The following STK26 variants were observed in gnomAD, a reference collection of about 807,000 sequenced individuals.
STK26 encodes serine/threonine-protein kinase 26.
STK26 carries 14 observed loss-of-function variants against 34.7 expected under a neutral mutation model. The ratio of observed to expected loss-of-function variants is 0.40; its 90% CI spans 0.27 to 0.63. The LOEUF (loss-of-function observed/expected upper bound fraction) is 0.63. STK26 is among the 30% of genes least tolerant of loss of function. STK26 has a pLI of 0.38. For synonymous variants in STK26, 100 were observed against 109.8 expected (o/e 0.91, Z 0.56); for missense variants, 226 against 309.1 (o/e 0.73, Z 2.02).
rs112781699 is a variant in STK26, at chrX:132,023,604, C to T, written c.-14C>T. The T allele has an allele frequency of 2.6e-6, 3 of 1,171,555 alleles. No homozygotes were observed. The highest frequency in any genetic ancestry group is 3.8e-5 in the South Asian group (2 of 53,038). On this transcript the variant is annotated 5_prime_UTR_variant, in exon 2 of 12. Transcript: ENST00000394334. ...CCACCGCCGCAGAAGCGGAGCGAGG[C>T]AGCATTCGCCTCCATGGCCCACTCG... is the stretch of plus-strand genomic sequence containing the variant.
At chrX:132,044,274 A>G (rs943785357) in intron 2 of STK26, among the ~76,000 whole-genome samples, 1 of 111,114 alleles carries the variant, frequency 9.0e-6, no homozygotes, top group Non-Finnish European at 1.9e-5. Flanking sequence ...GAGAATGCAA[A>G]CATAGTAAAA....
At chrX:132,051,815 A>C (rs759011749) in intron 2 of STK26, among the ~76,000 whole-genome samples, 163 of 109,175 alleles carry the variant, frequency 1.5e-3, no homozygotes, top group Middle Eastern at 9.4e-3. Flanking sequence ...CTCATTGTTC[A>C]ACTCCCACTT....
intron 3 of STK26, among the ~76,000 whole-genome samples, chrX:132,061,379 C>T (rs750128114): frequency 8.9e-6 from 1 of 111,832 alleles, no homozygotes; most frequent in Non-Finnish European, 1.9e-5. Flanking sequence ...AGGTTCTATA[C>T]ACAAATACAA....
rs143867006 is a variant in STK26 at position 132,049,267 on chromosome X, A to G, written c.43-5364A>G. ...CTCCCAAAGTGCTGGGATTATAGGC[A>G]TGAGCCAACTGCACCTGGCCTAAAT... On this transcript the variant is annotated intron_variant, in intron 2 of 11. Coordinates refer to ENST00000394334, the MANE Select transcript of STK26 (RefSeq NM_016542.4). Among the ~76,000 whole-genome samples, 307 of 112,398 alleles carry G rather than the reference A, an allele frequency of 2.7e-3. 2 individuals carry two copies. The highest frequency in any genetic ancestry group is 9.1e-3 in the African/African-American group (283 of 30,994).
intron 2 of STK26, among the ~76,000 whole-genome samples, chrX:132,047,675 G>A (rs1321092676): frequency 9.0e-6 from 1 of 111,707 alleles, no homozygotes. Flanking sequence ...AGAAATGCCA[G>A]AAAGTCAAGA....
chrX:132,054,670 G>A lies in STK26; in HGVS notation c.82G>A (p.Glu28Lys), dbSNP rs1177202461. ...ADPEELFTKL[E>K]RIGKGSFGEV... ...TCCAGAAGAACTGTTCACAAAATTA[G>A]AGCGCATTGGGAAAGGCTCATTTGG... Residue 28 changes from glutamate (E) to lysine (K), a missense_variant, in exon 3 of 12, where the codon GAG becomes AAG. This residue lies in a region of STK26 where 100 missense variants were observed against 176.7 expected (regional missense o/e 0.57). Transcript: ENST00000394334. 8.3e-7 allele frequency: 1 copy of A among 1,211,419 alleles called. No individual in the cohort carries two copies. Among genetic ancestry groups the A allele is most frequent in the Non-Finnish European group, 1.1e-6 (1 of 895,320 alleles).
At chrX:132,034,584 G>A (rs1433205509) in intron 2 of STK26, among the ~76,000 whole-genome samples, 1 of 111,378 alleles carries the variant, frequency 9.0e-6, no homozygotes, top group East Asian at 2.8e-4. Context: ...GTGAGCCACC[G>A]CGCCCGGCCA....
intron 11 of STK26, 22 bp from the exon 12 acceptor site, chrX:132,074,113 A>C: frequency 8.4e-7 from 1 of 1,192,008 alleles, no homozygotes; most frequent in Non-Finnish European, 1.1e-6. Flanking sequence ...ACATTGGTTT[A>C]AATTTTTTAA....
At chrX:132,059,704 T>C (rs1279949721) in intron 3 of STK26, among the ~76,000 whole-genome samples, 1 of 111,881 alleles carries the variant, frequency 8.9e-6, no homozygotes, top group Non-Finnish European at 1.9e-5. Flanking sequence ...AATCATGCCT[T>C]TATTTGCTGC....
intron 2 of STK26, among the ~76,000 whole-genome samples, chrX:132,044,946 A>G (rs768934076): frequency 3.0e-4 from 31 of 104,606 alleles, no homozygotes; most frequent in Non-Finnish European, 4.7e-4. Context: ...CTTTCTGAGT[A>G]CTACTTTATG....
rs528598881 is a variant in STK26 at position 132,061,238 on chromosome X, C to CTTG, written c.274-2192_274-2190dup. On this transcript the variant is annotated intron_variant, in intron 3 of 11. Transcript: ENST00000394334. ...TGAATTCATATGATAGAGTATAGTA[C>CTTG]TTGTTAGAAACAAACTTGTGGCAGA... Among the ~76,000 whole-genome samples, 132 of 112,278 alleles carry CTTG rather than the reference C, an allele frequency of 1.2e-3. 5 individuals are homozygous for CTTG. In the South Asian group the frequency reaches 0.049, roughly 41 times the overall value.
chrX:132,071,278 G>A, intron 8 of STK26, 61 bp downstream of exon 8: 1 of 1,111,203 alleles, frequency 9.0e-7, no homozygotes, highest in Non-Finnish European at 1.2e-6. Flanking sequence ...ATATCTTTTA[G>A]CTATGCTCCA....
At chrX:132,033,810 C>T (rs889302073) in intron 2 of STK26, among the ~76,000 whole-genome samples, 9 of 111,148 alleles carry the variant, frequency 8.1e-5, no homozygotes, top group African/African-American at 2.9e-4. Flanking sequence ...GAAGTTTATA[C>T]TCTAACCAGA....
chrX:132,027,439 C>G (rs1400353967), intron 2 of STK26, among the ~76,000 whole-genome samples: 2 of 111,940 alleles, frequency 1.8e-5, no homozygotes, highest in Non-Finnish European at 3.8e-5. Flanking sequence ...TATTAAATGC[C>G]TTTTCAAGTT....
At chrX:132,027,289 G>A (rs1390546994) in intron 2 of STK26, among the ~76,000 whole-genome samples, 1 of 111,834 alleles carries the variant, frequency 8.9e-6, no homozygotes, top group Non-Finnish European at 1.9e-5. Context: ...ACAGTATTCA[G>A]TAAATAACAT....
chrX:132,023,536 C>T lies in STK26; in HGVS notation c.-82C>T, dbSNP rs1459915066. Reference sequence around the variant, plus strand: ...CCGATCGAAAAGCCTGGGAGGGCCGCCGAACTACCCCCGGAGGGAGGAGCC... The same window carrying T: ...CCGATCGAAAAGCCTGGGAGGGCCGTCGAACTACCCCCGGAGGGAGGAGCC... On this transcript the variant is annotated 5_prime_UTR_variant, in exon 2 of 12. Coordinates refer to ENST00000394334, the MANE Select transcript of STK26 (RefSeq NM_016542.4). 3 of 1,118,184 alleles carry T rather than the reference C, an allele frequency of 2.7e-6. No individual in the cohort carries two copies. Among genetic ancestry groups the T allele is most frequent in the Non-Finnish European group, 3.6e-6 (3 of 830,022 alleles). The allele number at this position is 1,118,184 out of a possible 1,213,427, so 92.2% of individuals were successfully genotyped here. A position where few individuals can be genotyped will look rare whatever the true frequency, so the allele number is the denominator to read the frequency against.
rs546974701 is a variant in STK26, at chrX:132,070,044, AT to A, written c.783+393del. Among the ~76,000 whole-genome samples the A allele has an allele frequency of 1.8e-3, 192 of 104,666 alleles. 1 individual carries two copies. In the South Asian group the frequency reaches 0.024, roughly 13 times the overall value. 90.9% of individuals were successfully genotyped at this position (104,666 alleles called of 115,157 possible). A position where few individuals can be genotyped will look rare whatever the true frequency, so the allele number is the denominator to read the frequency against. On this transcript the variant is annotated intron_variant, in intron 7 of 11. Coordinates refer to ENST00000394334, the MANE Select transcript of STK26 (RefSeq NM_016542.4). ...TGAAAAGTTATATTTGGGTTTAACT[AT>A]TTTTTTTTTTTGAGATGGAGCCTTG...
In STK26 at chrX:132,075,630, C is replaced by T. The variant is rs1927574747; in HGVS notation, c.*1471C>T. The T allele has an allele frequency of 9.0e-6, 1 of 111,287 alleles. No homozygotes were observed. Among genetic ancestry groups the T allele is most frequent in the Non-Finnish European group, 1.9e-5 (1 of 52,841 alleles). 9.2% of individuals were successfully genotyped at this position (111,287 alleles called of 1,213,427 possible). ...TATATTGTAACAATTATTTTTAATG[C>T]ATTGTATTTTGAAGTAACGGTTCAG... is the stretch of plus-strand genomic sequence containing the variant. On this transcript the variant is annotated 3_prime_UTR_variant, in exon 12 of 12. Coordinates refer to ENST00000394334, the MANE Select transcript of STK26 (RefSeq NM_016542.4).
chrX:132,071,409 A>G (rs896197242), intron 8 of STK26, among the ~76,000 whole-genome samples, 192 bp downstream of exon 8: 2 of 112,200 alleles, frequency 1.8e-5, no homozygotes, highest in African/African-American at 3.2e-5. Context: ...TTTTTCTTGG[A>G]AGTGAATAGC....
Sources: allele counts gnomAD v4.1 joint callset (sites outside exome capture counted in the v4.1 genomes callset), GRCh38; gene constraint gnomAD v4.1.1; regional missense constraint gnomAD v4.1.1; transcripts MANE v1.5; gene names NCBI Gene and HGNC (gene_info 2026-07-23, HGNC 2026-07-21).